LGALS3: variants seen among roughly 807,000 people sequenced by gnomAD.
The protein encoded by LGALS3 is galectin 3, also known as galectin-3.
LGALS3 carries 18 observed loss-of-function variants against 20.7 expected under a neutral mutation model. The observed-to-expected ratio is 0.87, with a 90% confidence interval of 0.60 to 1.29. The LOEUF is 1.29. LGALS3 is among the 50% of genes most tolerant of loss of function. LGALS3 has a pLI of 0.00. For missense variants in LGALS3, 315 were observed against 314.7 expected, an observed-to-expected ratio of 1.00 and a Z score of -0.01; for synonymous variants, 112 against 119.6, an observed-to-expected ratio of 0.94 and a Z score of 0.42.
At chr14:55,133,564 A>T (rs1047556) in intron 1 of LGALS3, among the ~76,000 whole-genome samples, 59,971 of 152,038 alleles carry the variant, frequency 0.39, 12,190 homozygotes, top group African/African-American at 0.41. Context: ...ACCACAAAGA[A>T]TGTCATTATA....
intron 4 of LGALS3, among the ~76,000 whole-genome samples, chr14:55,141,219 C>G (rs930515391): frequency 6.6e-5 from 10 of 152,230 alleles, no homozygotes; most frequent in Admixed American, 3.9e-4. Flanking sequence ...TCCTCTGCTT[C>G]TGCAATGGTA....
rs537657851 is a variant in LGALS3, at chr14:55,129,270, C to T, written c.-35C>T. On this transcript the variant is annotated 5_prime_UTR_variant, in exon 1 of 6. Coordinates refer to ENST00000254301, the MANE Select transcript of LGALS3 (RefSeq NM_002306.4). The surrounding 1 kb of genome is among the most constrained non-coding windows in gnomAD (Gnocchi z 5.3). The stretch of plus-strand genomic sequence containing the variant: ...CGCCGGCGCCCGCAGCACCTCCTCG[C>T]CAGCAGCCGTCCGGAGCCAGCCAAC... 1.3e-5 allele frequency: 2 copies of T among 152,038 alleles called. No homozygotes were observed. Among genetic ancestry groups the T allele is most frequent in the African/African-American group, 4.8e-5 (2 of 41,512 alleles). 9.4% of individuals were successfully genotyped at this position (152,038 alleles called of 1,614,324 possible). A position where few individuals can be genotyped will look rare whatever the true frequency, so the allele number is the denominator to read the frequency against.
chr14:55,140,096 T>C lies in LGALS3; in HGVS notation c.343-179T>C, dbSNP rs1027617209. ...GGCTTTCTTTTCAATTATTTGTACA[T>C]CTAGGGAGCCTTATCTCTTTGGCCC... On this transcript the variant is annotated intron_variant, in intron 3 of 5. Coordinates refer to ENST00000254301, the MANE Select transcript of LGALS3 (RefSeq NM_002306.4). 4.0e-5 allele frequency among the ~76,000 whole-genome samples: 6 copies of C among 151,446 alleles called. No homozygotes were observed. The South Asian group carries it at 1.3e-3, about 32-fold the overall frequency.
intron 1 of LGALS3, among the ~76,000 whole-genome samples, chr14:55,131,611 C>A (rs1159224760): frequency 6.6e-6 from 1 of 152,166 alleles, no homozygotes; most frequent in Non-Finnish European, 1.5e-5. Context: ...AGGGTAGCTC[C>A]TTGTGTCTGG....
At position 55,137,406 on chromosome 14, in the gene LGALS3, C is replaced by T. The variant is rs376924677; in HGVS notation, c.18+15C>T. 9 of 1,613,954 alleles carry T rather than the reference C, an allele frequency of 5.6e-6. No individual in the cohort carries two copies. The South Asian group carries it at 8.8e-5, about 16-fold the overall frequency. ...ACAATTTTTCGGTAAGTGTTTTATG[C>T]CTGTTTCTTCCCCTTGATCAGCTCC... On this transcript the variant is annotated intron_variant, in intron 2 of 5. Transcript: ENST00000254301.
intron 1 of LGALS3, among the ~76,000 whole-genome samples, chr14:55,134,874 G>A (rs1396730169): frequency 6.6e-6 from 1 of 152,178 alleles, no homozygotes; most frequent in Non-Finnish European, 1.5e-5. Flanking sequence ...GAGATGTGTG[G>A]CTGGATGCGG....
At chr14:55,139,470 A>T (rs1881541024) in intron 3 of LGALS3, among the ~76,000 whole-genome samples, 2 of 152,172 alleles carry the variant, frequency 1.3e-5, no homozygotes, top group South Asian at 4.1e-4. Context: ...GAAAGAAAAT[A>T]TTTGGATAGG....
At chr14:55,139,812 A>G (rs563218306) in intron 3 of LGALS3, among the ~76,000 whole-genome samples, 16 of 152,346 alleles carry the variant, frequency 1.1e-4, no homozygotes, top group African/African-American at 3.8e-4. Context: ...TTCCATAAAT[A>G]TTGAGTATCT....
chr14:55,142,663 ATTGT>A lies in LGALS3; in HGVS notation c.515_518del (p.Val172AlafsTer41). The A allele has an allele frequency of 6.2e-7, 1 of 1,613,646 alleles. No individual in the cohort carries two copies. The highest frequency in any genetic ancestry group is 8.5e-7 in the Non-Finnish European group (1 of 1,179,504). On this transcript the variant is annotated frameshift_variant, in exon 5 of 6. Transcript: ENST00000254301. LOFTEE classifies it high-confidence loss of function. ...CTTCAATGAGAACAACAGGAGAGTC[ATTGT>A]TTGCAATACAAAGCTGGATAATAAC...
At chr14:55,131,310 T>C (rs1425319862) in intron 1 of LGALS3, among the ~76,000 whole-genome samples, 1 of 152,260 alleles carries the variant, frequency 6.6e-6, no homozygotes, top group African/African-American at 2.4e-5. Flanking sequence ...GATAGTTCGC[T>C]GTACTACAAA....
At chr14:55,142,828 G>T in intron 5 of LGALS3, 79 bp downstream of exon 5, 3 of 1,201,730 alleles carry the variant, frequency 2.5e-6, no homozygotes, top group Non-Finnish European at 3.6e-6. Context: ...AGCACTTGAA[G>T]TGAGAGTTTT....
At position 55,130,912 on chromosome 14, in the gene LGALS3, G is replaced by T. The variant is rs1881215782; in HGVS notation, c.-5+1612G>T. 3.3e-5 allele frequency among the ~76,000 whole-genome samples: 5 copies of T among 152,280 alleles called. No individual in the cohort carries two copies. In the South Asian group the frequency reaches 1.0e-3, roughly 32 times the overall value. On this transcript the variant is annotated intron_variant, in intron 1 of 5. Transcript: ENST00000254301. ...TAAACATTTCATACTAGGAAATTGT[G>T]TGTTTCCATAAAAGGTAAAGTTGAA...
rs572728056 is a variant in LGALS3, at chr14:55,135,516, C to T, written c.-4-1854C>T. 2.0e-5 allele frequency among the ~76,000 whole-genome samples: 3 copies of T among 150,346 alleles called. No individual in the cohort carries two copies. In the South Asian group the frequency reaches 6.3e-4, roughly 32 times the overall value. ...AGCATATGTTAAGCCCTAGGAGGAGCTCTGCCTGTTTGAGTTTTACCAAAA... is the reference window on the plus strand; with the variant it reads ...AGCATATGTTAAGCCCTAGGAGGAGTTCTGCCTGTTTGAGTTTTACCAAAA... On this transcript the variant is annotated intron_variant, in intron 1 of 5. Coordinates refer to ENST00000254301, the MANE Select transcript of LGALS3 (RefSeq NM_002306.4).
intron 4 of LGALS3, among the ~76,000 whole-genome samples, chr14:55,140,627 T>C (rs574122405): frequency 2.6e-5 from 4 of 152,338 alleles, no homozygotes; most frequent in Admixed American, 1.3e-4. Flanking sequence ...TGATATGTAT[T>C]ATGTCAGCTA....
chr14:55,131,630 C>A (rs903694184), intron 1 of LGALS3, among the ~76,000 whole-genome samples: 10 of 152,234 alleles, frequency 6.6e-5, no homozygotes, highest in Admixed American at 6.5e-4. Context: ...GGTGCCTGAA[C>A]TGGATCTTCT....
intron 1 of LGALS3, among the ~76,000 whole-genome samples, chr14:55,136,984 T>C (rs1231998477): frequency 6.6e-6 from 1 of 152,116 alleles, no homozygotes; most frequent in Non-Finnish European, 1.5e-5. Context: ...GGCATAAGTG[T>C]GTGCAAATAG....
At chr14:55,141,083 T>G (rs561457291) in intron 4 of LGALS3, among the ~76,000 whole-genome samples, 1 of 152,334 alleles carries the variant, frequency 6.6e-6, no homozygotes, top group African/African-American at 2.4e-5. Context: ...CACAGGTTTA[T>G]GCAAGAATCC....
intron 2 of LGALS3, chr14:55,137,782 G>T: frequency 7.7e-7 from 1 of 1,300,162 alleles, no homozygotes; most frequent in Non-Finnish European, 9.7e-7. Flanking sequence ...GCTAACTCCT[G>T]ACTTGAGCTA....
At chr14:55,136,461 A>C (rs1168949682) in intron 1 of LGALS3, among the ~76,000 whole-genome samples, 1 of 151,940 alleles carries the variant, frequency 6.6e-6, no homozygotes, top group Non-Finnish European at 1.5e-5. Context: ...GTTATTTCAC[A>C]TTTCCATGGA....
Sources: gnomAD v4.1 joint callset for allele counts (sites outside exome capture counted in the v4.1 genomes callset) on GRCh38, gnomAD v4.1.1 for gene constraint, Gnocchi (gnomAD v3.1) non-coding constraint, MANE v1.5 for transcripts, NCBI Gene and HGNC (gene_info 2026-07-23, HGNC 2026-07-21) for gene names.